The following PDK1 variants were observed in gnomAD, a reference collection of about 807,000 sequenced individuals.
PDK1 encodes the protein pyruvate dehydrogenase kinase 1, also known as [Pyruvate dehydrogenase (acetyl-transferring)] kinase isozyme 1, mitochondrial.
Under a neutral mutation model 54.2 loss-of-function variants are expected in PDK1, and 39 were observed. The observed-to-expected ratio is 0.72, with a 90% confidence interval of 0.56 to 0.94. The LOEUF (loss-of-function observed/expected upper bound fraction) is 0.94. Among genes scored for constraint, PDK1 ranks in the 40% least tolerant of loss-of-function variants. The pLI is 0.00. For missense variants in PDK1, 552 were observed against 566.0 expected (o/e 0.98, Z 0.25); for synonymous variants, 221 against 207.1 (o/e 1.07, Z -0.58).
At chr2:172,623,466 A>G in the PDK1 span, among the ~76,000 whole-genome samples, 2 of 152,222 alleles carry the variant, frequency 1.3e-5, no homozygotes, top group African/African-American at 4.8e-5. Context: ...TGATTCAGAA[A>G]GAGGTTTATA....
the PDK1 span, among the ~76,000 whole-genome samples, chr2:172,636,002 A>G: frequency 6.6e-6 from 1 of 152,142 alleles, no homozygotes; most frequent in Non-Finnish European, 1.5e-5. Flanking sequence ...ACCAAAACTG[A>G]TGTTTCCCTT....
At chr2:172,721,729 A>G in the PDK1 span, among the ~76,000 whole-genome samples, 1 of 152,314 alleles carries the variant, frequency 6.6e-6, no homozygotes, top group East Asian at 1.9e-4. Flanking sequence ...CACTATCCAA[A>G]ATTTCATCTT....
chr2:172,654,061 A>G, the PDK1 span, among the ~76,000 whole-genome samples: 11 of 152,272 alleles, frequency 7.2e-5, no homozygotes, highest in African/African-American at 2.4e-4. Flanking sequence ...AATCAAAACC[A>G]TAATGAGATA....
At chr2:172,621,757 CTCATATATG>C in the PDK1 span, among the ~76,000 whole-genome samples, 1 of 144,336 alleles carries the variant, frequency 6.9e-6, no homozygotes, top group African/African-American at 2.6e-5. Context: ...ATGTTTATAT[CTCATATATG>C]TCATATATGT....
the PDK1 span, among the ~76,000 whole-genome samples, chr2:172,701,830 T>C: frequency 3.6e-4 from 55 of 152,164 alleles, no homozygotes; most frequent in Non-Finnish European, 6.5e-4. Flanking sequence ...GCTTATTATT[T>C]TAAGAGACAG....
At chr2:172,680,998 CTA>C in the PDK1 span, among the ~76,000 whole-genome samples, 13 of 152,216 alleles carry the variant, frequency 8.5e-5, no homozygotes, top group Non-Finnish European at 1.6e-4. Context: ...TGGCAAGAAA[CTA>C]TACTCCATCT....
At chr2:172,587,564 G>T (rs554284960) in intron 9 of PDK1, among the ~76,000 whole-genome samples, 288 of 152,228 alleles carry the variant, frequency 1.9e-3, no homozygotes, top group African/African-American at 6.8e-3. Context: ...AAGGTAGTGT[G>T]GACCCAAAGA....
the PDK1 span, among the ~76,000 whole-genome samples, chr2:172,719,775 T>A: frequency 1.3e-5 from 2 of 152,248 alleles, no homozygotes; most frequent in Non-Finnish European, 2.9e-5. Context: ...ATTGTCTGCC[T>A]TCTCCATTTA....
the PDK1 span, among the ~76,000 whole-genome samples, chr2:172,671,765 A>G: frequency 6.6e-6 from 1 of 152,176 alleles, no homozygotes; most frequent in African/African-American, 2.4e-5. Context: ...GAAGAGAAAG[A>G]GAAGAGGCAA....
At chr2:172,723,372 A>G in the PDK1 span, 1 of 152,220 alleles carries the variant, frequency 6.6e-6, no homozygotes, top group Non-Finnish European at 1.5e-5. Context: ...TCACAAACAC[A>G]TTAGAGATTT....
At chr2:172,626,414 G>C in the PDK1 span, among the ~76,000 whole-genome samples, 1 of 152,120 alleles carries the variant, frequency 6.6e-6, no homozygotes, top group Non-Finnish European at 1.5e-5. Context: ...AGCTTTATAA[G>C]GAATGAAATG....
intron 1 of PDK1, chr2:172,556,555 C>T: frequency 2.3e-6 from 1 of 429,476 alleles, no homozygotes; most frequent in Non-Finnish European, 4.1e-6. Flanking sequence ...GGGCGTGTGG[C>T]TTTGACCGTA....
the PDK1 span, among the ~76,000 whole-genome samples, chr2:172,677,878 G>A: frequency 6.6e-6 from 1 of 152,144 alleles, no homozygotes; most frequent in African/African-American, 2.4e-5. Flanking sequence ...ATGAATAAAA[G>A]GGAAATTAGG....
At chr2:172,671,987 T>A in the PDK1 span, among the ~76,000 whole-genome samples, 2 of 152,110 alleles carry the variant, frequency 1.3e-5, no homozygotes, top group African/African-American at 4.8e-5. Flanking sequence ...TCAGCTGCCG[T>A]TTTTCTCTTA....
chr2:172,675,896 G>A, the PDK1 span, among the ~76,000 whole-genome samples: 3 of 152,070 alleles, frequency 2.0e-5, no homozygotes, highest in South Asian at 2.1e-4. Context: ...TCTTGTGAAG[G>A]GTTAACACAG....
intron 6 of PDK1, among the ~76,000 whole-genome samples, chr2:172,568,516 C>G (rs879885566): frequency 1.3e-5 from 2 of 152,058 alleles, no homozygotes; most frequent in Non-Finnish European, 2.9e-5. Flanking sequence ...GATTGTGATG[C>G]AAGATTGTGA....
the PDK1 span, among the ~76,000 whole-genome samples, chr2:172,659,464 C>T: frequency 6.6e-6 from 1 of 152,158 alleles, no homozygotes; most frequent in Non-Finnish European, 1.5e-5. Context: ...TCCTGTGCCA[C>T]ATAAAACATG....
At chr2:172,663,751 G>A in the PDK1 span, among the ~76,000 whole-genome samples, 2 of 152,116 alleles carry the variant, frequency 1.3e-5, no homozygotes, top group African/African-American at 2.4e-5. Flanking sequence ...CTGGGACTCT[G>A]GCCTAGTGAG....
the PDK1 span, among the ~76,000 whole-genome samples, chr2:172,631,909 T>C: frequency 1.3e-5 from 2 of 152,198 alleles, no homozygotes; most frequent in Non-Finnish European, 2.9e-5. Context: ...TCCCCTTCTT[T>C]TCTGAAATTG....
Sources: gnomAD v4.1 joint callset for allele counts (sites outside exome capture counted in the v4.1 genomes callset) on GRCh38, gnomAD v4.1.1 for gene constraint, MANE v1.5 for transcripts, NCBI Gene and HGNC (gene_info 2026-07-23, HGNC 2026-07-21) for gene names.